The following TENM2 variants were observed in gnomAD, a reference collection of about 807,000 sequenced individuals.
TENM2 encodes teneurin transmembrane protein 2, also known as teneurin-2.
Under a neutral mutation model 245.2 loss-of-function variants are expected in TENM2, and 52 were observed. The observed-to-expected ratio is 0.21, with a 90% CI of 0.17 to 0.27. The LOEUF (loss-of-function observed/expected upper bound fraction) is 0.27. Among genes scored for constraint, TENM2 ranks in the 10% least tolerant of loss-of-function variants. TENM2 has a pLI of 1.00. For synonymous variants in TENM2, 1,363 were observed against 1,438.9 expected (o/e 0.95, Z 1.19); for missense variants, 3,046 against 3,666.8 (o/e 0.83, Z 4.37).
rs1017441213 is a variant in TENM2, at chr5:168,225,660, C to G, written c.5109-428C>G. On this transcript the variant is annotated intron_variant, in intron 23 of 28. Transcript: ENST00000518659. ...CCTGTAATCCCAGCTGCTCGGGAGG[C>G]TGAGGCAGGAGAATTGCTTGAACCC... Among the ~76,000 whole-genome samples the G allele has an allele frequency of 4.5e-4, 68 of 150,986 alleles. 1 individual carries two copies. The highest frequency in any genetic ancestry group is 1.6e-4 in the Non-Finnish European group (11 of 67,882).
chr5:167,343,883 T>C (rs1758279125), intron 1 of TENM2, among the ~76,000 whole-genome samples: 2 of 152,060 alleles, frequency 1.3e-5, no homozygotes, highest in South Asian at 4.1e-4. Context: ...GCAAATTCAC[T>C]GGGGAAATAT....
chr5:167,241,605 G>C, the TENM2 span, among the ~76,000 whole-genome samples: 8 of 152,228 alleles, frequency 5.3e-5, no homozygotes, highest in East Asian at 9.7e-4. Flanking sequence ...TCAAGAGAAG[G>C]GTGCTTCACA....
At chr5:168,109,495 T>C (rs1313547087) in intron 9 of TENM2, among the ~76,000 whole-genome samples, 2 of 152,242 alleles carry the variant, frequency 1.3e-5, no homozygotes, top group Non-Finnish European at 2.9e-5. Flanking sequence ...GTTTTTGAAC[T>C]ATGTTCTTAC....
At chr5:167,135,364 T>C in the TENM2 span, among the ~76,000 whole-genome samples, 1 of 152,224 alleles carries the variant, frequency 6.6e-6, no homozygotes, top group Admixed American at 6.5e-5. Flanking sequence ...GAATTATAGG[T>C]CCATTGAGAG....
intron 3 of TENM2, among the ~76,000 whole-genome samples, chr5:167,908,527 CTT>C (rs1343961249): frequency 3.0e-5 from 1 of 33,486 alleles, no homozygotes; most frequent in Non-Finnish European, 6.0e-5. Context: ...CCTCCCCTCT[CTT>C]CTCCTCTCTC....
chr5:167,991,022 T>A (rs1265163765), intron 4 of TENM2, among the ~76,000 whole-genome samples: 1 of 152,212 alleles, frequency 6.6e-6, no homozygotes, highest in Non-Finnish European at 1.5e-5. Context: ...TCAGGCAGAC[T>A]GGAGCTTGAG....
At chr5:167,579,258 T>C (rs1383397568) in intron 2 of TENM2, among the ~76,000 whole-genome samples, 1 of 152,226 alleles carries the variant, frequency 6.6e-6, no homozygotes, top group African/African-American at 2.4e-5. Flanking sequence ...ACCTTGAATG[T>C]AGCTGGATTT....
chr5:168,118,485 A>T (rs1795246668), exon 10 of TENM2: 1 of 1,522,638 alleles, frequency 6.6e-7, no homozygotes, highest in Admixed American at 1.8e-5. Flanking sequence ...ACTGTGAGGA[A>T]GGTAAGCCCG....
At chr5:167,776,116 TA>T in intron 2 of TENM2, among the ~76,000 whole-genome samples, 1 of 131,354 alleles carries the variant, frequency 7.6e-6, no homozygotes, top group African/African-American at 2.9e-5. Context: ...GCTTACAAAA[TA>T]ATATATGAAT....
chr5:168,097,315 G>T (rs988757457), intron 8 of TENM2, among the ~76,000 whole-genome samples: 1 of 152,204 alleles, frequency 6.6e-6, no homozygotes, highest in East Asian at 1.9e-4. Context: ...ATGAAGGTTG[G>T]GGGGTGGTTG....
exon 12 of TENM2, chr5:168,126,792 A>T: frequency 2.5e-6 from 4 of 1,613,224 alleles, no homozygotes; most frequent in Non-Finnish European, 3.4e-6. Context: ...CGGCGTCTGC[A>T]TCGGGGGAGC....
the TENM2 span, among the ~76,000 whole-genome samples, chr5:167,035,266 A>T: frequency 1.3e-5 from 2 of 152,170 alleles, no homozygotes; most frequent in African/African-American, 4.8e-5. Flanking sequence ...CATGGTAGTT[A>T]ACTTCATATG....
intron 7 of TENM2, among the ~76,000 whole-genome samples, chr5:168,067,159 C>T (rs1790578906): frequency 6.6e-6 from 1 of 152,212 alleles, no homozygotes; most frequent in African/African-American, 2.4e-5. Flanking sequence ...TATTTCATCA[C>T]TCAGACCGAT....
At chr5:167,475,104 G>A (rs1767284789) in intron 2 of TENM2, among the ~76,000 whole-genome samples, 1 of 152,058 alleles carries the variant, frequency 6.6e-6, no homozygotes, top group Non-Finnish European at 1.5e-5. Flanking sequence ...GTTTTCTAAG[G>A]GATATTTCCT....
chr5:167,553,997 A>G (rs1005947747), intron 2 of TENM2, among the ~76,000 whole-genome samples: 3 of 152,126 alleles, frequency 2.0e-5, no homozygotes, highest in African/African-American at 7.2e-5. Flanking sequence ...TCACAACATA[A>G]TGGCACATGG....
intron 6 of TENM2, among the ~76,000 whole-genome samples, chr5:168,059,152 A>T (rs1481393791): frequency 6.6e-6 from 1 of 152,194 alleles, no homozygotes; most frequent in Non-Finnish European, 1.5e-5. Flanking sequence ...GAGCTAATTT[A>T]GTCAGTGTCC....
At chr5:168,200,056 A>C in exon 17 of TENM2, 3 of 1,613,934 alleles carry the variant, frequency 1.9e-6, no homozygotes, top group Non-Finnish European at 2.5e-6. Context: ...GGCTTCTCCC[A>C]ACCTGGCCTA....
intron 2 of TENM2, among the ~76,000 whole-genome samples, chr5:167,782,872 G>T (rs1467098391): frequency 1.3e-5 from 2 of 152,186 alleles, no homozygotes; most frequent in Non-Finnish European, 2.9e-5. Context: ...TCAGGCAGCT[G>T]TCAGACTCCA....
rs199614015 is a variant in TENM2, at chr5:168,247,690, C to T, written c.6751C>T (p.Arg2251Trp). Residue 2251 changes from arginine to tryptophan, a missense_variant, in exon 27 of 29, where the codon CGG becomes TGG. Transcript: ENST00000518659. This position sits in a 1 kb window ranked among gnomAD's most constrained non-coding sequence, Gnocchi z 7.8. The stretch of plus-strand genomic sequence containing the variant: ...CCTCATGCCCTTGCGCTATGACCTC[C>T]GGGATCGGATAACCAGACTCGGGGA... 440 of 1,613,858 alleles carry T rather than the reference C, an allele frequency of 2.7e-4. 2 individuals are homozygous for T. Among genetic ancestry groups the T allele is most frequent in the South Asian group, 1.6e-3 (148 of 91,084 alleles).
Sources: gnomAD v4.1 joint callset for allele counts (sites outside exome capture counted in the v4.1 genomes callset) on GRCh38, gnomAD v4.1.1 for gene constraint, Gnocchi (gnomAD v3.1) non-coding constraint, MANE v1.5 for transcripts, NCBI Gene and HGNC (gene_info 2026-07-23, HGNC 2026-07-21) for gene names.